The following ZNF674 variants were observed in gnomAD, a reference collection of about 807,000 sequenced individuals.
ZNF674 encodes the protein zinc finger family member 674.
A neutral mutation model predicts 7.0 loss-of-function variants in ZNF674; 2 were observed. The ratio of observed to expected loss-of-function variants is 0.29; its 90% CI spans 0.12 to 0.90. The LOEUF is 0.90. ZNF674 is among the 40% of genes least tolerant of loss of function. The pLI is 0.57. For missense variants in ZNF674, 297 were observed against 415.5 expected (o/e 0.71, Z 2.48); for synonymous variants, 103 against 145.2 (o/e 0.71, Z 2.09).
chrX:46,508,819 C>T (rs1941591267), intron 5 of ZNF674, among the ~76,000 whole-genome samples: 1 of 110,724 alleles, frequency 9.0e-6, no homozygotes, highest in Admixed American at 9.7e-5. Context: ...GATTTTGTAT[C>T]CTGAGACTTT....
chrX:46,529,039 C>T (rs1429447363), intron 3 of ZNF674, 130 bp from the exon 4 acceptor site: 23 of 1,106,359 alleles, frequency 2.1e-5, no homozygotes, highest in Admixed American at 5.0e-5. Context: ...TTTCAGTCTT[C>T]GCCGCCACCC....
chrX:46,501,652 T>TTG (rs1941431796), intron 5 of ZNF674, among the ~76,000 whole-genome samples: 1 of 97,193 alleles, frequency 1.0e-5, no homozygotes, highest in Non-Finnish European at 2.1e-5. Flanking sequence ...ATACATATAA[T>TTG]TGTATATATA....
chrX:46,500,058 T>C lies in ZNF674; in HGVS notation c.1516A>G (p.Thr506Ala), dbSNP rs1395703960. ...TGAATTCTCTGATGTTTGATGAGAG[T>C]TGACTTCCTACTGAAGGCTTTTTTA... ...DCKKAFSRKS[T>A]LIKHQRIHTG... The change falls in exon 6 of 6, where the codon ACT becomes GCT. Residue 506 changes from threonine (T) to alanine (A), a missense_variant. Thr to Ala is a moderately conservative substitution (Grantham distance 58). Transcript: ENST00000683375. The C allele has an allele frequency of 8.3e-7, 1 of 1,211,151 alleles. No homozygotes were observed. Among genetic ancestry groups the C allele is most frequent in the Admixed American group, 2.2e-5 (1 of 46,006 alleles).
Position 46,499,513 on chromosome X carries a change from A to G in ZNF674, c.*330T>C. On this transcript the variant is annotated 3_prime_UTR_variant, in exon 6 of 6. Coordinates refer to ENST00000683375, the MANE Select transcript of ZNF674 (RefSeq NM_001190417.2). ...CTAAATTCTTAGTTTTCCTCGGCAT[A>G]CATACTCTGATAAACAGTGCCATTT... 1 of 145,962 alleles carries G rather than the reference A, an allele frequency of 6.9e-6. No individual in the cohort carries two copies. Among genetic ancestry groups the G allele is most frequent in the Admixed American group, 7.7e-5 (1 of 12,994 alleles). The allele number at this position is 145,962 out of a possible 1,213,427, so 12.0% of individuals were successfully genotyped here.
chrX:46,528,713 G>A, intron 4 of ZNF674, 70 bp downstream of exon 4: 1 of 1,191,159 alleles, frequency 8.4e-7, no homozygotes, highest in Non-Finnish European at 1.1e-6. Context: ...AGGCCCCAGA[G>A]CTTGGAGCAG....
intron 5 of ZNF674, among the ~76,000 whole-genome samples, chrX:46,505,258 G>T (rs1237539544): frequency 2.7e-5 from 3 of 111,986 alleles, no homozygotes; most frequent in Non-Finnish European, 5.6e-5. Flanking sequence ...GTACAAGAGT[G>T]TTTGTTAAAA....
intron 5 of ZNF674, among the ~76,000 whole-genome samples, chrX:46,521,190 G>C (rs1157544927): frequency 1.1e-5 from 1 of 92,608 alleles, no homozygotes. Context: ...GGGTGACAAA[G>C]CAAGACTCTA....
At chrX:46,510,027 A>T (rs1345628645) in intron 5 of ZNF674, among the ~76,000 whole-genome samples, 1 of 108,385 alleles carries the variant, frequency 9.2e-6, no homozygotes, top group Non-Finnish European at 1.9e-5. Flanking sequence ...TTGTCAGTAA[A>T]CTATCACAAG....
intron 3 of ZNF674, among the ~76,000 whole-genome samples, chrX:46,540,327 C>G (rs1230081200): frequency 9.0e-6 from 1 of 111,645 alleles, no homozygotes; most frequent in East Asian, 2.8e-4. Flanking sequence ...ATGAAGGAAT[C>G]TTGAGGATGG....
intron 5 of ZNF674, among the ~76,000 whole-genome samples, chrX:46,520,211 G>A (rs1941881671): frequency 9.0e-6 from 1 of 110,571 alleles, no homozygotes. Flanking sequence ...AGACCAGCCT[G>A]GCCAACATGG....
chrX:46,519,259 TAGATA>T (rs201631449), intron 5 of ZNF674, among the ~76,000 whole-genome samples: 8,784 of 73,338 alleles, frequency 0.12, 343 homozygotes, highest in Middle Eastern at 0.17. Flanking sequence ...GATAGATAGA[TAGATA>T]AAGATAGATG....
Position 46,500,588 on chromosome X carries a change from G to T in ZNF674, c.986C>A (p.Ala329Glu). The change falls in exon 6 of 6, where the codon GCA (alanine) becomes GAA (glutamate). Residue 329 changes from alanine (A) to glutamate (E), a missense_variant. Coordinates refer to ENST00000683375, the MANE Select transcript of ZNF674 (RefSeq NM_001190417.2). ...IRHEKTHIRQ[A>E]FYKGIKCTTS... is the part of the protein sequence containing the mutation. ...AGTACATTTAATACCTTTATAAAAT[G>T]CTTGTCTAATGTGTGTTTTTTCATG... is the stretch of plus-strand genomic sequence containing the variant. 1 of 1,210,886 alleles carries T rather than the reference G, an allele frequency of 8.3e-7. No individual in the cohort carries two copies. Among genetic ancestry groups the T allele is most frequent in the Non-Finnish European group, 1.1e-6 (1 of 894,867 alleles).
In ZNF674 at chrX:46,501,347, T is replaced by C. The variant is rs748887679; in HGVS notation, c.239-12A>G. 8.4e-7 allele frequency: 1 copy of C among 1,195,340 alleles called. No homozygotes were observed. Among genetic ancestry groups the C allele is most frequent in the Admixed American group, 2.3e-5 (1 of 43,457 alleles). On this transcript the variant is annotated splice_polypyrimidine_tract_variant and intron_variant, in intron 5 of 5. Coordinates refer to ENST00000683375, the MANE Select transcript of ZNF674 (RefSeq NM_001190417.2). ...AACTTCCCAGACTTCTAGAAGAAAA[T>C]GCAATGAATCATCAAACTTGTCTTC...
In ZNF674 at chrX:46,498,009, TTA is replaced by T. The variant is rs749542717; in HGVS notation, c.*1832_*1833del. ...TATAACTTTACTCATCACAAAATTTTTATATGTCAACCACCCAGAATCACTGA... is the reference window on the plus strand; with the variant it reads ...TATAACTTTACTCATCACAAAATTTTTATGTCAACCACCCAGAATCACTGA... On this transcript the variant is annotated 3_prime_UTR_variant, in exon 6 of 6. Transcript: ENST00000683375. 4 of 111,539 alleles carry T rather than the reference TTA, an allele frequency of 3.6e-5. No homozygotes were observed. The highest frequency in any genetic ancestry group is 2.8e-4 in the East Asian group (1 of 3,575). 9.2% of individuals were successfully genotyped at this position (111,539 alleles called of 1,213,427 possible).
In ZNF674 at chrX:46,498,753, G is replaced by A. The variant is rs912243057; in HGVS notation, c.*1090C>T. On this transcript the variant is annotated 3_prime_UTR_variant, in exon 6 of 6. Transcript: ENST00000683375. ...AAAAAAAAAAAAAAAAGAATTAGCCGGGTGTGGTGGTGGGTGCCTGTAATC... is the reference window on the plus strand; with the variant it reads ...AAAAAAAAAAAAAAAAGAATTAGCCAGGTGTGGTGGTGGGTGCCTGTAATC... 3 of 108,115 alleles carry A rather than the reference G, an allele frequency of 2.8e-5. No homozygotes were observed. The highest frequency in any genetic ancestry group is 6.7e-5 in the African/African-American group (2 of 29,753). 8.9% of individuals were successfully genotyped at this position (108,115 alleles called of 1,213,427 possible).
At chrX:46,509,906 T>C (rs1941617860) in intron 5 of ZNF674, among the ~76,000 whole-genome samples, 3 of 110,319 alleles carry the variant, frequency 2.7e-5, no homozygotes, top group South Asian at 3.9e-4. Flanking sequence ...CCAACAACGA[T>C]AGACTGGATT....
rs1333985366 is a variant in ZNF674 at position 46,529,667 on chromosome X, T to C, written c.16-758A>G. The stretch of plus-strand genomic sequence containing the variant: ...CTGGGCAACAGGGCGAGACTCCATC[T>C]CAAAAAAAAAAAAAAAAAGACACCT... On this transcript the variant is annotated intron_variant, in intron 3 of 5. Coordinates refer to ENST00000683375, the MANE Select transcript of ZNF674 (RefSeq NM_001190417.2). The C allele has an allele frequency of 6.2e-5, 5 of 80,203 alleles. No individual in the cohort carries two copies. The Admixed American group carries it at 7.8e-4, about 13-fold the overall frequency. The allele number at this position is 80,203 out of a possible 1,213,427, so 6.6% of individuals were successfully genotyped here. A position where few individuals can be genotyped will look rare whatever the true frequency, so the allele number is the denominator to read the frequency against.
chrX:46,506,249 C>G (rs765516000), intron 5 of ZNF674, among the ~76,000 whole-genome samples: 1 of 110,754 alleles, frequency 9.0e-6, no homozygotes, highest in East Asian at 2.8e-4. Context: ...TCTGGATGCC[C>G]GAACACTAGA....
chrX:46,508,569 C>T (rs1941585641), intron 5 of ZNF674, among the ~76,000 whole-genome samples: 1 of 110,937 alleles, frequency 9.0e-6, no homozygotes, highest in Admixed American at 9.7e-5. Context: ...TGGCCATTTT[C>T]ACGATATTGA....
Sources: allele counts gnomAD v4.1 joint callset (sites outside exome capture counted in the v4.1 genomes callset), GRCh38; gene constraint gnomAD v4.1.1; transcripts MANE v1.5; gene names NCBI Gene and HGNC (gene_info 2026-07-23, HGNC 2026-07-21).